CRTAC1: variants seen among roughly 807,000 people sequenced by gnomAD.
CRTAC1 encodes the protein cartilage acidic protein 1.
A neutral mutation model predicts 67.8 loss-of-function variants in CRTAC1; 37 were observed. The observed-to-expected ratio is 0.55, with a 90% CI of 0.42 to 0.72. CRTAC1 has a LOEUF of 0.72. Ranked by LOEUF, CRTAC1 falls within the 30% of genes least tolerant of loss-of-function variation. The pLI is 0.00. For synonymous variants in CRTAC1, 348 were observed against 371.0 expected (o/e 0.94, Z 0.71); for missense variants, 780 against 931.6 (o/e 0.84, Z 2.12).
intron 3 of CRTAC1, among the ~76,000 whole-genome samples, chr10:97,924,282 G>A (rs1318246023): frequency 6.6e-6 from 1 of 152,192 alleles, no homozygotes; most frequent in African/African-American, 2.4e-5. Context: ...TTAATTTCTT[G>A]TTAATGCAAG....
At chr10:98,016,222 T>G (rs755056453) in intron 1 of CRTAC1, among the ~76,000 whole-genome samples, 1 of 151,766 alleles carries the variant, frequency 6.6e-6, no homozygotes, top group Non-Finnish European at 1.5e-5. Context: ...GAAGAAGGGG[T>G]TCTGGGTAGG....
At position 97,936,385 on chromosome 10, in the gene CRTAC1, G is replaced by C. The variant is rs371385484; in HGVS notation, c.225-19C>G. The stretch of plus-strand genomic sequence containing the variant: ...ATTGTACCTGGAGGAGGAATGGGGA[G>C]GGGATGCTGGGGAGGAGCCGCTGGG... On this transcript the variant is annotated intron_variant, in intron 2 of 14. Transcript: ENST00000370597. 2 of 1,588,176 alleles carry C rather than the reference G, an allele frequency of 1.3e-6. No homozygotes were observed. The highest frequency in any genetic ancestry group is 1.7e-6 in the Non-Finnish European group (2 of 1,160,994).
At chr10:97,924,295 C>T (rs914796275) in intron 3 of CRTAC1, among the ~76,000 whole-genome samples, 1 of 152,146 alleles carries the variant, frequency 6.6e-6, no homozygotes, top group African/African-American at 2.4e-5. Context: ...AATGCAAGAC[C>T]CCGAATGTTC....
chr10:97,942,706 GCTAT>G (rs1017300084), intron 2 of CRTAC1, among the ~76,000 whole-genome samples: 12 of 151,558 alleles, frequency 7.9e-5, no homozygotes, highest in African/African-American at 1.9e-4. Context: ...CAGAAAATAT[GCTAT>G]CTGTTTGAAA....
At chr10:97,908,430 T>G (rs2050644845) in intron 5 of CRTAC1, among the ~76,000 whole-genome samples, 1 of 152,190 alleles carries the variant, frequency 6.6e-6, no homozygotes, top group Non-Finnish European at 1.5e-5. Context: ...CTAAGAGAAG[T>G]GGCTGAACAA....
At chr10:97,927,032 T>G (rs2050931350) in intron 3 of CRTAC1, among the ~76,000 whole-genome samples, 1 of 152,202 alleles carries the variant, frequency 6.6e-6, no homozygotes. Flanking sequence ...TGGGCCAGCA[T>G]GGAGTCGGGG....
At chr10:97,926,293 T>C (rs2050917282) in intron 3 of CRTAC1, among the ~76,000 whole-genome samples, 1 of 152,172 alleles carries the variant, frequency 6.6e-6, no homozygotes, top group Non-Finnish European at 1.5e-5. Context: ...GCATCCCACA[T>C]CTGAGGCTTG....
chr10:98,011,375 G>A (rs183801092), intron 1 of CRTAC1, 38 bp from the exon 2 acceptor site: 1 of 1,610,664 alleles, frequency 6.2e-7, no homozygotes, highest in East Asian at 2.2e-5. Flanking sequence ...GAAAGAACCT[G>A]TAACCAAAGC....
In CRTAC1 at chr10:97,865,640, C is replaced by T. The variant is rs1306143159; in HGVS notation, c.1894G>A (p.Ala632Thr). 43 of 1,612,330 alleles carry T rather than the reference C, an allele frequency of 2.7e-5. No individual in the cohort carries two copies. The East Asian group carries it at 4.0e-4, about 15-fold the overall frequency. The change falls in exon 15 of 15, where the codon GCT becomes ACT. Residue 632 changes from alanine (A) to threonine (T), a missense_variant. Physicochemically the swap from Ala to Thr is moderately conservative, Grantham distance 58. Transcript: ENST00000370597. ...AAAATAAAAA[A>T]AGAATAAPVL... The stretch of plus-strand genomic sequence containing the variant: ...GGTGCAGCAGTGGCAGCTCCAGCAG[C>T]GGCAGCAGCAGCGGCAGTGGCAGCA...
intron 1 of CRTAC1, among the ~76,000 whole-genome samples, chr10:98,025,603 T>C (rs1183626017): frequency 6.6e-6 from 1 of 152,214 alleles, no homozygotes; most frequent in Non-Finnish European, 1.5e-5. Context: ...GTGTGTTTGG[T>C]GTGATAATGA....
chr10:97,874,575 C>A lies in CRTAC1; in HGVS notation c.1819+5674G>T, dbSNP rs11816001. Among the ~76,000 whole-genome samples, 1,314 of 152,224 alleles carry A rather than the reference C, an allele frequency of 8.6e-3. 22 individuals carry two copies. Among genetic ancestry groups the A allele is most frequent in the African/African-American group, 0.03 (1,262 of 41,538 alleles). ...GTGTCCTGGGTGGCAGCAGGGTGTA[C>A]CGGGAAGCACAGGAGCTTTGGCACT... On this transcript the variant is annotated intron_variant, in intron 14 of 14. Transcript: ENST00000370597.
chr10:97,981,297 C>T (rs2136663246), intron 2 of CRTAC1, among the ~76,000 whole-genome samples: 1 of 152,278 alleles, frequency 6.6e-6, no homozygotes, highest in African/African-American at 2.4e-5. Flanking sequence ...CTAAACCATC[C>T]ACCTAGGATA....
In CRTAC1 at chr10:97,903,527, A is replaced by G. The variant is rs558486552; in HGVS notation, c.996+1142T>C. On this transcript the variant is annotated intron_variant, in intron 7 of 14. Coordinates refer to ENST00000370597, the MANE Select transcript of CRTAC1 (RefSeq NM_018058.7). Reference sequence around the variant, plus strand: ...GGAGTGGCTGGGCCTGGGCGTCCCAAGGTGGCTGCTTACAGGGAAGGGACT... The same window carrying G: ...GGAGTGGCTGGGCCTGGGCGTCCCAGGGTGGCTGCTTACAGGGAAGGGACT... Among the ~76,000 whole-genome samples, 6 of 152,006 alleles carry G rather than the reference A, an allele frequency of 3.9e-5. No individual in the cohort carries two copies. In the East Asian group the frequency reaches 1.2e-3, roughly 30 times the overall value.
intron 14 of CRTAC1, chr10:97,878,721 G>T: frequency 6.1e-6 from 8 of 1,302,720 alleles, no homozygotes; most frequent in Non-Finnish European, 8.1e-6. Context: ...GATGAGCCAG[G>T]CCTATGTCCA....
At chr10:97,924,159 G>A (rs1248107266) in intron 3 of CRTAC1, among the ~76,000 whole-genome samples, 1 of 152,142 alleles carries the variant, frequency 6.6e-6, no homozygotes, top group Non-Finnish European at 1.5e-5. Flanking sequence ...GCTCGTTCGT[G>A]ACTAAGAAGC....
intron 1 of CRTAC1, among the ~76,000 whole-genome samples, chr10:98,019,754 C>T (rs1383191123): frequency 2.0e-5 from 3 of 152,214 alleles, no homozygotes; most frequent in East Asian, 1.9e-4. Flanking sequence ...CACAGAGAAG[C>T]CTGCAGTGGG....
intron 2 of CRTAC1, among the ~76,000 whole-genome samples, chr10:98,006,372 C>T (rs1464019400): frequency 1.3e-5 from 2 of 152,212 alleles, no homozygotes; most frequent in East Asian, 3.9e-4. Flanking sequence ...TGCAATCATG[C>T]ACCTGCTGGT....
At chr10:97,918,932 C>T (rs1434837264) in intron 4 of CRTAC1, among the ~76,000 whole-genome samples, 1 of 152,002 alleles carries the variant, frequency 6.6e-6, no homozygotes, top group African/African-American at 2.4e-5. Flanking sequence ...TACAGGCACG[C>T]ACCACCACTC....
chr10:97,886,041 G>A (rs2136543654), intron 11 of CRTAC1, among the ~76,000 whole-genome samples: 1 of 152,298 alleles, frequency 6.6e-6, no homozygotes, highest in African/African-American at 2.4e-5. Flanking sequence ...GTATAAAAGG[G>A]GTTCCCATAT....
Sources: allele counts gnomAD v4.1 joint callset (sites outside exome capture counted in the v4.1 genomes callset), GRCh38; gene constraint gnomAD v4.1.1; transcripts MANE v1.5; gene names NCBI Gene and HGNC (gene_info 2026-07-23, HGNC 2026-07-21).